Variants in PPP2R1B observed in about 807,000 individuals in gnomAD.
PPP2R1B encodes the protein serine/threonine-protein phosphatase 2A 65 kDa regulatory subunit A beta isoform.
Under a neutral mutation model 72.7 loss-of-function variants are expected in PPP2R1B, and 58 were observed. That is an observed-to-expected ratio of 0.80 (90% CI 0.65 to 0.99). The LOEUF (loss-of-function observed/expected upper bound fraction) is 0.99, where lower values mean the gene tolerates loss of function less well. Among genes scored for constraint, PPP2R1B ranks in the 50% least tolerant of loss-of-function variants. The pLI is 0.00. For missense variants in PPP2R1B, 695 were observed against 733.6 expected (o/e 0.95, Z 0.61); for synonymous variants, 256 against 264.6 (o/e 0.97, Z 0.32).
downstream of PPP2R1B, chr11:111,723,710 A>C: frequency 6.2e-7 from 1 of 1,614,130 alleles, no homozygotes; most frequent in Non-Finnish European, 8.5e-7. Flanking sequence ...GATGCAATAC[A>C]GCCCTTTCCT....
intron 9 of PPP2R1B, 147 bp downstream of exon 9, chr11:111,753,296 C>G: frequency 8.9e-7 from 1 of 1,129,394 alleles, no homozygotes; most frequent in Non-Finnish European, 1.2e-6. Flanking sequence ...ACCCCATACC[C>G]AAAATCACAG....
intron 11 of PPP2R1B, 41 bp from the exon 12 acceptor site, chr11:111,743,571 G>GT: frequency 6.4e-7 from 1 of 1,571,766 alleles, no homozygotes; most frequent in Non-Finnish European, 8.6e-7. Flanking sequence ...ATCGCTTATT[G>GT]TTTTTTAAGC....
the PPP2R1B span, chr11:111,719,840 C>T: frequency 6.2e-7 from 1 of 1,614,058 alleles, no homozygotes; most frequent in Non-Finnish European, 8.5e-7. Context: ...AGTCACTGCC[C>T]AGCAACATGA....
In PPP2R1B at chr11:111,740,106, A is replaced by T; in HGVS notation, c.*1490T>A. The T allele has an allele frequency of 1.0e-6, 1 of 985,446 alleles. No homozygotes were observed. Among genetic ancestry groups the T allele is most frequent in the Non-Finnish European group, 1.2e-6 (1 of 829,920 alleles). The allele number at this position is 985,446 out of a possible 1,614,324, so 61.0% of individuals were successfully genotyped here. A position where few individuals can be genotyped will look rare whatever the true frequency, so the allele number is the denominator to read the frequency against. ...TGTGAACAAAATCAACAATTCAAAA[A>T]CCAAAAGGGTAACAAGCAAACCTCA... On this transcript the variant is annotated 3_prime_UTR_variant, in exon 15 of 15. Coordinates refer to ENST00000527614, the MANE Select transcript of PPP2R1B (RefSeq NM_002716.5).
At chr11:111,760,686 T>A in intron 4 of PPP2R1B, 133 bp downstream of exon 4, 1 of 747,422 alleles carries the variant, frequency 1.3e-6, no homozygotes, top group Non-Finnish European at 2.2e-6. Flanking sequence ...AATCCTACTA[T>A]CCTAGTATCA....
Position 111,766,382 on chromosome 11 carries a change from TGG to T in PPP2R1B, c.-23_-22del. 2.2e-6 allele frequency: 1 copy of T among 448,430 alleles called. No individual in the cohort carries two copies. Among genetic ancestry groups the T allele is most frequent in the African/African-American group, 7.8e-5 (1 of 12,746 alleles). 27.8% of individuals were successfully genotyped at this position (448,430 alleles called of 1,614,324 possible). A position where few individuals can be genotyped will look rare whatever the true frequency, so the allele number is the denominator to read the frequency against. On this transcript the variant is annotated 5_prime_UTR_variant, in exon 1 of 15. Coordinates refer to ENST00000527614, the MANE Select transcript of PPP2R1B (RefSeq NM_002716.5). ...GCCATGTTCTTTCTCCTCCTGCTGC[TGG>T]TCACCGCCTCCCGCCCCGCGCCCAG...
At chr11:111,697,772 C>T in the PPP2R1B span, among the ~76,000 whole-genome samples, 1 of 151,862 alleles carries the variant, frequency 6.6e-6, no homozygotes, top group Non-Finnish European at 1.5e-5. Flanking sequence ...AGGAGGGTCA[C>T]TTGAGCCGAG....
At chr11:111,749,895 G>C (rs1944839989) in intron 10 of PPP2R1B, among the ~76,000 whole-genome samples, 1 of 152,122 alleles carries the variant, frequency 6.6e-6, no homozygotes, top group Non-Finnish European at 1.5e-5. Flanking sequence ...AAGGAGCAGA[G>C]GTTAAAAGAA....
intron 11 of PPP2R1B, among the ~76,000 whole-genome samples, chr11:111,744,538 T>C (rs1178060848): frequency 6.6e-6 from 1 of 152,212 alleles, no homozygotes; most frequent in East Asian, 1.9e-4. Flanking sequence ...TATACAGCAC[T>C]GAACAAAAAC....
At chr11:111,762,722 G>A (rs933829395) in intron 3 of PPP2R1B, among the ~76,000 whole-genome samples, 2 of 151,550 alleles carry the variant, frequency 1.3e-5, no homozygotes, top group Non-Finnish European at 2.9e-5. Context: ...TTTTTTTTAA[G>A]TGTTGGGGTC....
the PPP2R1B span, among the ~76,000 whole-genome samples, chr11:111,710,782 T>A: frequency 6.6e-6 from 1 of 152,172 alleles, no homozygotes; most frequent in African/African-American, 2.4e-5. Context: ...GTCACACAAT[T>A]TGTACGTGAT....
chr11:111,764,633 GGAGTT>G (rs1945450479), intron 3 of PPP2R1B, among the ~76,000 whole-genome samples, 167 bp downstream of exon 3: 1 of 150,326 alleles, frequency 6.7e-6, no homozygotes, highest in Non-Finnish European at 1.5e-5. Context: ...AAAAAAAAAA[GGAGTT>G]GAGTGCAAAG....
intron 10 of PPP2R1B, among the ~76,000 whole-genome samples, chr11:111,749,593 G>A (rs1244290180): frequency 3.3e-5 from 5 of 151,978 alleles, no homozygotes; most frequent in African/African-American, 7.2e-5. Flanking sequence ...CCTATTTTCC[G>A]GTTTTTGTAG....
At chr11:111,737,765 G>A (rs1031140437), downstream of PPP2R1B, 38 of 1,322,646 alleles carry the variant, frequency 2.9e-5, no homozygotes, top group Non-Finnish European at 3.0e-5. Flanking sequence ...CCTTTCCCTC[G>A]GGGCCCTGGA....
intron 14 of PPP2R1B, 66 bp downstream of exon 14, chr11:111,741,987 A>C (rs1473434358): frequency 3.0e-6 from 4 of 1,324,586 alleles, no homozygotes; most frequent in Non-Finnish European, 4.4e-6. Context: ...AACACCTCTC[A>C]CATAATAGAG....
the PPP2R1B span, among the ~76,000 whole-genome samples, chr11:111,692,373 A>C: frequency 2.3e-4 from 33 of 142,830 alleles, no homozygotes; most frequent in Middle Eastern, 3.5e-3. Context: ...AAAAAAAAAA[A>C]AAAAAAAAAA....
the PPP2R1B span, chr11:111,719,938 G>A: frequency 3.7e-6 from 6 of 1,614,124 alleles, no homozygotes; most frequent in Middle Eastern, 1.7e-4. Flanking sequence ...CAGTCCACAC[G>A]CAGCGGGCAG....
the PPP2R1B span, among the ~76,000 whole-genome samples, chr11:111,717,317 CAAAAAAAAAAAAAAAA>C: frequency 4.0e-5 from 2 of 49,464 alleles, no homozygotes; most frequent in African/African-American, 7.3e-5. Flanking sequence ...GACTCCGTCT[CAAAAAAAAAAAAAAAA>C]AAAAAAAAAA....
At position 111,740,836 on chromosome 11, in the gene PPP2R1B, A is replaced by T. The variant is rs951262197; in HGVS notation, c.*760T>A. 3.0e-6 allele frequency: 3 copies of T among 985,312 alleles called. No homozygotes were observed. The highest frequency in any genetic ancestry group is 3.6e-6 in the Non-Finnish European group (3 of 829,924). 61.0% of individuals were successfully genotyped at this position (985,312 alleles called of 1,614,324 possible). A position where few individuals can be genotyped will look rare whatever the true frequency, so the allele number is the denominator to read the frequency against. ...TCACAATGAAACAAACATACTGCTT[A>T]TTAGGAGGCACTACAGTTAAAGCTT... is the stretch of plus-strand genomic sequence containing the variant. On this transcript the variant is annotated 3_prime_UTR_variant, in exon 15 of 15. Coordinates refer to ENST00000527614, the MANE Select transcript of PPP2R1B (RefSeq NM_002716.5).
Sources: gnomAD v4.1 joint callset for allele counts (sites outside exome capture counted in the v4.1 genomes callset) on GRCh38, gnomAD v4.1.1 for gene constraint, MANE v1.5 for transcripts, NCBI Gene and HGNC (gene_info 2026-07-23, HGNC 2026-07-21) for gene names.